The following NOL4 variants were observed in gnomAD, a reference collection of about 807,000 sequenced individuals.
The protein encoded by NOL4 is nucleolar protein 4, also known as cancer/testis antigen 125.
NOL4 carries 17 observed loss-of-function variants against 75.9 expected under a neutral mutation model. That is an observed-to-expected ratio of 0.22 (90% confidence interval 0.15 to 0.34). The LOEUF is 0.34. Among genes scored for constraint, NOL4 ranks in the 10% least tolerant of loss-of-function variants. NOL4 has a pLI of 1.00. For synonymous variants in NOL4, 292 were observed against 289.9 expected (o/e 1.01, Z -0.07); for missense variants, 614 against 793.5 (o/e 0.77, Z 2.72).
chr18:33,949,459 G>A (rs751985499), intron 8 of NOL4, among the ~76,000 whole-genome samples: 1 of 152,048 alleles, frequency 6.6e-6, no homozygotes, highest in Admixed American at 6.6e-5. Flanking sequence ...ATTGATCTTG[G>A]GTTGTGAGTT....
At chr18:34,010,653 T>C (rs1770762874) in intron 6 of NOL4, among the ~76,000 whole-genome samples, 1 of 151,946 alleles carries the variant, frequency 6.6e-6, no homozygotes, top group South Asian at 2.1e-4. Context: ...GTGGTTGTTT[T>C]AATTTACTTT....
At chr18:34,160,153 G>A (rs1280009350) in intron 1 of NOL4, among the ~76,000 whole-genome samples, 2 of 152,098 alleles carry the variant, frequency 1.3e-5, no homozygotes, top group African/African-American at 2.4e-5. Flanking sequence ...ATATCAAAAG[G>A]AGGAAAATTT....
In NOL4 at chr18:34,105,102, C is replaced by A; in HGVS notation, c.473G>T (p.Cys158Phe). 6.2e-7 allele frequency: 1 copy of A among 1,612,360 alleles called. No individual in the cohort carries two copies. Reference sequence around the variant, plus strand: ...ATGCATTCTTTTCTGGCACTCTGAGCAGCTCATTAGAAATCGTGTCACCGC... The same window carrying A: ...ATGCATTCTTTTCTGGCACTCTGAGAAGCTCATTAGAAATCGTGTCACCGC... ...REAVTRFLMSCSECQKRMHLN... is the reference protein window; with the variant it reads ...REAVTRFLMSFSECQKRMHLN... Residue 158 changes from cysteine to phenylalanine, a missense_variant, in exon 3 of 11, where the codon TGC becomes TTC. Around this residue, in one of 9 missense-constraint regions of NOL4, gnomAD observed 135 missense variants for 220.4 expected, o/e 0.61. Coordinates refer to ENST00000261592, the MANE Select transcript of NOL4 (RefSeq NM_003787.5).
rs531791038 is a variant in NOL4, at chr18:34,206,226, T to C, written c.264+16764A>G. On this transcript the variant is annotated intron_variant, in intron 1 of 10. Transcript: ENST00000261592. ...ATCCTTTGTATGTTGCATAGAGCCA[T>C]ACATATCACAATATCACATCTACAC... 2.0e-5 allele frequency among the ~76,000 whole-genome samples: 3 copies of C among 151,576 alleles called. No individual in the cohort carries two copies. The East Asian group carries it at 5.8e-4, about 30-fold the overall frequency.
intron 1 of NOL4, among the ~76,000 whole-genome samples, chr18:34,154,093 G>C (rs759323736): frequency 1.3e-5 from 2 of 151,882 alleles, no homozygotes; most frequent in African/African-American, 2.4e-5. Flanking sequence ...TGAATATGAA[G>C]AAAAATTCAT....
intron 2 of NOL4, among the ~76,000 whole-genome samples, chr18:34,116,717 T>A (rs2079877232): frequency 6.6e-6 from 1 of 152,188 alleles, no homozygotes; most frequent in Admixed American, 6.5e-5. Context: ...AACAAATTGT[T>A]GTTTTGCTCT....
chr18:34,158,742 ACACG>A (rs1197758966), intron 1 of NOL4: 1 of 152,204 alleles, frequency 6.6e-6, no homozygotes, highest in Non-Finnish European at 1.5e-5. Context: ...AATACAAGAA[ACACG>A]CTACTTTTAA....
chr18:33,940,306 C>G (rs534464406), intron 9 of NOL4, among the ~76,000 whole-genome samples: 1 of 151,904 alleles, frequency 6.6e-6, no homozygotes, highest in Admixed American at 6.6e-5. Context: ...CCAACAAATG[C>G]CCATCAATTA....
At chr18:34,097,918 A>C (rs2078864285) in intron 4 of NOL4, among the ~76,000 whole-genome samples, 1 of 152,222 alleles carries the variant, frequency 6.6e-6, no homozygotes, top group African/African-American at 2.4e-5. Flanking sequence ...TTAAACCCTC[A>C]CCAACAGTTT....
chr18:34,097,605 T>A (rs1485397437), intron 4 of NOL4, among the ~76,000 whole-genome samples: 4 of 152,204 alleles, frequency 2.6e-5, no homozygotes, highest in Non-Finnish European at 2.9e-5. Context: ...ATGTGGTTAG[T>A]GTGACTTAAG....
intron 9 of NOL4, 46 bp downstream of exon 9, chr18:33,943,019 C>A: frequency 8.1e-7 from 1 of 1,228,410 alleles, no homozygotes; most frequent in Non-Finnish European, 1.2e-6. Context: ...AAATGAACTA[C>A]ATTTGCTATA....
At chr18:34,081,179 C>G (rs9946624) in intron 5 of NOL4, among the ~76,000 whole-genome samples, 3 of 152,116 alleles carry the variant, frequency 2.0e-5, no homozygotes, top group Non-Finnish European at 4.4e-5. Context: ...ACCACAATAT[C>G]TTTTAAGTAC....
intron 1 of NOL4, among the ~76,000 whole-genome samples, chr18:34,210,823 AT>A (rs1454503701): frequency 6.6e-6 from 1 of 152,250 alleles, no homozygotes; most frequent in Non-Finnish European, 1.5e-5. Flanking sequence ...CAACAAAGTA[AT>A]GCAAATTAGC....
chr18:34,127,777 AT>A (rs1379386881), intron 2 of NOL4, among the ~76,000 whole-genome samples: 1 of 151,950 alleles, frequency 6.6e-6, no homozygotes, highest in East Asian at 1.9e-4. Flanking sequence ...TTATTACTGC[AT>A]AAAAAGGAAA....
intron 6 of NOL4, among the ~76,000 whole-genome samples, chr18:33,994,323 T>A (rs931094045): frequency 5.9e-5 from 9 of 151,926 alleles, no homozygotes; most frequent in African/African-American, 2.2e-4. Context: ...TGGACATTGA[T>A]AGAACATTCT....
intron 1 of NOL4, among the ~76,000 whole-genome samples, chr18:34,175,427 G>A (rs1158983960): frequency 6.6e-6 from 1 of 152,096 alleles, no homozygotes; most frequent in African/African-American, 2.4e-5. Flanking sequence ...AAAGCTTAAA[G>A]GAAAAACTAG....
intron 2 of NOL4, among the ~76,000 whole-genome samples, chr18:34,115,590 G>C (rs186681148): frequency 3.9e-3 from 588 of 151,934 alleles, no homozygotes; most frequent in Non-Finnish European, 6.1e-3. Flanking sequence ...GGGACTGCCA[G>C]AGTGTCACAC....
intron 1 of NOL4, among the ~76,000 whole-genome samples, chr18:34,155,952 A>G (rs1447246077): frequency 6.6e-6 from 1 of 152,182 alleles, no homozygotes; most frequent in Non-Finnish European, 1.5e-5. Context: ...AGCAAGATTA[A>G]GAAATCAGAA....
chr18:34,162,020 C>T lies in NOL4; in HGVS notation c.265-32000G>A, dbSNP rs574434538. On this transcript the variant is annotated intron_variant, in intron 1 of 10. Transcript: ENST00000261592. ...ATCTGCCAAACTATTTCTATGCCGG[C>T]AGAAATCTACTATCTCCCCAAATAT... Among the ~76,000 whole-genome samples the T allele has an allele frequency of 3.3e-5, 5 of 152,210 alleles. No homozygotes were observed. The East Asian group carries it at 9.6e-4, about 29-fold the overall frequency.
Sources: gnomAD v4.1 joint callset for allele counts (sites outside exome capture counted in the v4.1 genomes callset) on GRCh38, gnomAD v4.1.1 for gene constraint, gnomAD v4.1.1 regional missense constraint, MANE v1.5 for transcripts, NCBI Gene and HGNC (gene_info 2026-07-23, HGNC 2026-07-21) for gene names.